USP18: variants seen among roughly 807,000 people sequenced by gnomAD.
The protein encoded by USP18 is ubl carboxyl-terminal hydrolase 18.
Under a neutral mutation model 48.7 loss-of-function variants are expected in USP18, and 11 were observed. The observed-to-expected ratio is 0.23, with a 90% CI of 0.14 to 0.37. The LOEUF (loss-of-function observed/expected upper bound fraction) is 0.37, where lower values mean the gene tolerates loss of function less well. Among genes scored for constraint, USP18 ranks in the 10% least tolerant of loss-of-function variants. The pLI is 1.00. For synonymous variants in USP18, 114 were observed against 163.2 expected (o/e 0.70, Z 2.30); for missense variants, 285 against 436.4 (o/e 0.65, Z 3.09).
chr22:18,170,585 T>C (rs894266383), intron 7 of USP18, among the ~76,000 whole-genome samples, 168 bp from the exon 8 acceptor site: 16 of 137,796 alleles, frequency 1.2e-4, no homozygotes, highest in African/African-American at 4.8e-4. Flanking sequence ...TAGCCAAGTT[T>C]TGCATTATTC....
At chr22:18,169,207 G>A (rs1356876106) in intron 6 of USP18, among the ~76,000 whole-genome samples, 2 of 152,084 alleles carry the variant, frequency 1.3e-5, no homozygotes, top group African/African-American at 4.8e-5. Flanking sequence ...AGGGTTTCTC[G>A]TGAATGGTTT....
At chr22:18,176,189 GGA>G (rs1486350896) in intron 10 of USP18, among the ~76,000 whole-genome samples, 1 of 79,396 alleles carries the variant, frequency 1.3e-5, no homozygotes, top group Non-Finnish European at 2.4e-5. Flanking sequence ...GGCTGAGGAG[GGA>G]GAATCGTTTG....
intron 10 of USP18, among the ~76,000 whole-genome samples, chr22:18,174,403 T>C (rs192838193): frequency 6.6e-6 from 1 of 151,782 alleles, no homozygotes; most frequent in Non-Finnish European, 1.5e-5. Flanking sequence ...GATTGTTTTT[T>C]GTATTTTTAG....
intron 1 of USP18, among the ~76,000 whole-genome samples, chr22:18,152,883 G>A (rs965949870): frequency 7.2e-5 from 11 of 152,258 alleles, no homozygotes; most frequent in African/African-American, 2.6e-4. Flanking sequence ...GTATCTGGGA[G>A]GTCTTGGCGG....
At chr22:18,155,807 G>A (rs973897329) in intron 1 of USP18, among the ~76,000 whole-genome samples, 2 of 152,214 alleles carry the variant, frequency 1.3e-5, no homozygotes, top group Non-Finnish European at 2.9e-5. Context: ...AAGCCTCCCC[G>A]ACCAGCGCCG....
chr22:18,160,526 T>G (rs1306871059), intron 3 of USP18, among the ~76,000 whole-genome samples: 1 of 151,926 alleles, frequency 6.6e-6, no homozygotes, highest in Non-Finnish European at 1.5e-5. Flanking sequence ...AAGGTCTCGA[T>G]CTCCTGACCT....
Position 18,173,681 on chromosome 22 carries a change from G to C in USP18, c.1024-112G>C. The stretch of plus-strand genomic sequence containing the variant: ...TGCTGCTGTTGCTCCAGGCTCTTGG[G>C]AGTTGCTAGGGGTGGGCTTGTCTGG... On this transcript the variant is annotated intron_variant, in intron 9 of 10. Coordinates refer to ENST00000215794, the MANE Select transcript of USP18 (RefSeq NM_017414.4). The C allele has an allele frequency of 6.1e-6, 9 of 1,480,850 alleles. No homozygotes were observed. In the South Asian group the frequency reaches 1.1e-4, roughly 18 times the overall value. The allele number at this position is 1,480,850 out of a possible 1,614,324, so 91.7% of individuals were successfully genotyped here.
At chr22:18,161,319 A>G (rs1462504929) in intron 3 of USP18, among the ~76,000 whole-genome samples, 2 of 124,162 alleles carry the variant, frequency 1.6e-5, no homozygotes, top group Admixed American at 8.7e-5. Flanking sequence ...CCTGTGATTA[A>G]ATGAATCATT....
chr22:18,167,006 T>G (rs1197947345), intron 4 of USP18, among the ~76,000 whole-genome samples: 1 of 152,090 alleles, frequency 6.6e-6, no homozygotes, highest in African/African-American at 2.4e-5. Flanking sequence ...CCCGAAGTGT[T>G]AAGATTATAG....
Position 18,157,890 on chromosome 22 carries a change from AAGCC to A in USP18, c.157+71_157+74del, listed in dbSNP as rs562920380. ...TGTTCGGCTCACCCCCTCCGCTCTGAAGCCGCAGAGCTTTGTATTCGACGGCTCA... is the reference window on the plus strand; with the variant it reads ...TGTTCGGCTCACCCCCTCCGCTCTGAGCAGAGCTTTGTATTCGACGGCTCA... On this transcript the variant is annotated intron_variant, in intron 2 of 10. Coordinates refer to ENST00000215794, the MANE Select transcript of USP18 (RefSeq NM_017414.4). 202 of 1,586,382 alleles carry A rather than the reference AAGCC, an allele frequency of 1.3e-4. 2 individuals carry two copies. The South Asian group carries it at 2.2e-3, about 18-fold the overall frequency.
At chr22:18,159,986 A>T (rs974366128) in intron 2 of USP18, among the ~76,000 whole-genome samples, 186 bp from the exon 3 acceptor site, 2 of 149,570 alleles carry the variant, frequency 1.3e-5, no homozygotes, top group Admixed American at 6.6e-5. Flanking sequence ...TGATTTTTGG[A>T]TTTTTTTTGT....
chr22:18,167,801 TTC>T, intron 5 of USP18, 87 bp from the exon 6 acceptor site: 1 of 1,461,720 alleles, frequency 6.8e-7, no homozygotes, highest in South Asian at 1.4e-5. Context: ...TGTGAGGAGC[TTC>T]TGTCTCTTGG....
chr22:18,157,479 T>C (rs1424298060), intron 1 of USP18, 79 bp from the exon 2 acceptor site: 1 of 738,814 alleles, frequency 1.4e-6, no homozygotes, highest in Non-Finnish European at 2.3e-6. Flanking sequence ...TAAGACCTGC[T>C]CTTTGGCATC....
At chr22:18,175,113 C>A (rs182494363) in intron 10 of USP18, among the ~76,000 whole-genome samples, 1 of 152,222 alleles carries the variant, frequency 6.6e-6, no homozygotes, top group East Asian at 1.9e-4. Flanking sequence ...TGGGGTTTCA[C>A]CGTGTTAGCC....
At chr22:18,169,767 T>C (rs1929576024) in intron 6 of USP18, 77 bp from the exon 7 acceptor site, 2 of 1,502,466 alleles carry the variant, frequency 1.3e-6, no homozygotes, top group East Asian at 2.5e-5. Context: ...CTCACAGCAG[T>C]GTGAGAACAG....
In USP18 at chr22:18,157,976, A is replaced by G. The variant is rs113860079; in HGVS notation, c.157+156A>G. On this transcript the variant is annotated intron_variant, in intron 2 of 10. Coordinates refer to ENST00000215794, the MANE Select transcript of USP18 (RefSeq NM_017414.4). ...TAGATGGGGATACAGCCTGGGCCAT[A>G]GTGAAACCCTATCTGTAAAAAACAA... Among the ~76,000 whole-genome samples the G allele has an allele frequency of 0.014, 2,136 of 152,220 alleles. 54 individuals carry two copies. The highest frequency in any genetic ancestry group is 0.048 in the African/African-American group (2,004 of 41,530).
chr22:18,167,028 T>TA (rs1929493020), intron 4 of USP18, among the ~76,000 whole-genome samples: 1 of 152,174 alleles, frequency 6.6e-6, no homozygotes, highest in Non-Finnish European at 1.5e-5. Context: ...CATGAGCCAC[T>TA]ACATCTGGCA....
At chr22:18,156,858 C>T (rs1311437023) in intron 1 of USP18, among the ~76,000 whole-genome samples, 5 of 152,248 alleles carry the variant, frequency 3.3e-5, no homozygotes, top group Admixed American at 6.5e-5. Flanking sequence ...CAAGCACCCA[C>T]CAATTCCGGA....
At position 18,168,706 on chromosome 22, in the gene USP18, C is replaced by T. The variant is rs1192489639; in HGVS notation, c.627+670C>T. Reference sequence around the variant, plus strand: ...CCTCCCCAATTATCTCTCAAAGTCCCCACCTTTCCATACAGCCACACTGGG... The same window carrying T: ...CCTCCCCAATTATCTCTCAAAGTCCTCACCTTTCCATACAGCCACACTGGG... On this transcript the variant is annotated intron_variant, in intron 6 of 10. Coordinates refer to ENST00000215794, the MANE Select transcript of USP18 (RefSeq NM_017414.4). Among the ~76,000 whole-genome samples the T allele has an allele frequency of 9.2e-5, 14 of 152,212 alleles. No individual in the cohort carries two copies. In the East Asian group the frequency reaches 2.3e-3, roughly 25 times the overall value.
Sources: allele counts gnomAD v4.1 joint callset (sites outside exome capture counted in the v4.1 genomes callset), GRCh38; gene constraint gnomAD v4.1.1; transcripts MANE v1.5; gene names NCBI Gene and HGNC (gene_info 2026-07-23, HGNC 2026-07-21).